The following ALAS2 variants were observed in gnomAD, a reference collection of about 807,000 sequenced individuals.
ALAS2 encodes 5'-aminolevulinate synthase 2.
A neutral mutation model predicts 33.7 loss-of-function variants in ALAS2; 3 were observed. The ratio of observed to expected loss-of-function variants is 0.09; its 90% CI spans 0.04 to 0.23. The LOEUF is 0.23. ALAS2 is among the 10% of genes least tolerant of loss of function. The pLI, the probability that ALAS2 is intolerant of heterozygous loss-of-function variation, is 1.00. For missense variants in ALAS2, 304 were observed against 475.1 expected, an observed-to-expected ratio of 0.64 and a Z score of 3.35; for synonymous variants, 191 against 177.3, an observed-to-expected ratio of 1.08 and a Z score of -0.61.
At chrX:55,012,331 C>G (rs1277539009) in intron 10 of ALAS2, among the ~76,000 whole-genome samples, 1 of 112,142 alleles carries the variant, frequency 8.9e-6, no homozygotes, top group Non-Finnish European at 1.9e-5. Context: ...CCCACCCTCT[C>G]TCTCCATAAT....
At chrX:55,026,216 T>C (rs1308282183) in intron 1 of ALAS2, among the ~76,000 whole-genome samples, 1 of 111,366 alleles carries the variant, frequency 9.0e-6, no homozygotes, top group East Asian at 2.8e-4. Flanking sequence ...AACTGACTAC[T>C]GGGCAAAGGG....
At chrX:55,014,671 G>A in intron 9 of ALAS2, 76 bp downstream of exon 9, 2 of 1,040,781 alleles carry the variant, frequency 1.9e-6, no homozygotes, top group South Asian at 5.7e-5. Flanking sequence ...GACAGCAACA[G>A]ATGTAGGTTT....
intron 10 of ALAS2, among the ~76,000 whole-genome samples, chrX:55,010,627 C>T (rs1273867173): frequency 1.8e-5 from 2 of 111,194 alleles, no homozygotes; most frequent in Non-Finnish European, 3.8e-5. Context: ...CTAACTTCAC[C>T]TCCTTCAAAT....
chrX:55,018,706 A>C (rs1248591763), intron 6 of ALAS2, among the ~76,000 whole-genome samples: 2 of 111,391 alleles, frequency 1.8e-5, no homozygotes, highest in African/African-American at 6.5e-5. Context: ...AGAACTTTAG[A>C]AGCTGTGATA....
intron 6 of ALAS2, among the ~76,000 whole-genome samples, chrX:55,020,023 A>G (rs1935773328): frequency 8.9e-6 from 1 of 111,751 alleles, no homozygotes; most frequent in African/African-American, 3.3e-5. Context: ...CTGTGGAGAC[A>G]TAAAATAACT....
chrX:55,009,443 C>T, intron 10 of ALAS2, 100 bp from the exon 11 acceptor site: 1 of 879,743 alleles, frequency 1.1e-6, no homozygotes, highest in Non-Finnish European at 1.6e-6. Context: ...CCCCTCAACC[C>T]TTCAAGATAC....
At chrX:55,020,996 T>G in intron 5 of ALAS2, 56 bp downstream of exon 5, 1 of 1,067,496 alleles carries the variant, frequency 9.4e-7, no homozygotes, top group Non-Finnish European at 1.3e-6. Context: ...TTTTTTTCCA[T>G]GTGTGGTTTT....
chrX:55,015,033 T>C lies in ALAS2; in HGVS notation c.1169-18A>G. On this transcript the variant is annotated intron_variant, in intron 8 of 10. Coordinates refer to ENST00000650242, the MANE Select transcript of ALAS2 (RefSeq NM_000032.5). ...GGCCTTGCCTGGAGACAGAAAGGAA[T>C]AAGATATACACAGATCCCATAATCA... 1 of 1,206,159 alleles carries C rather than the reference T, an allele frequency of 8.3e-7. No homozygotes were observed. Among genetic ancestry groups the C allele is most frequent in the Non-Finnish European group, 1.1e-6 (1 of 892,618 alleles).
chrX:55,009,084 C>T lies in ALAS2; in HGVS notation c.*96G>A, dbSNP rs1935549149. 25 of 1,069,135 alleles carry T rather than the reference C, an allele frequency of 2.3e-5. No individual in the cohort carries two copies. In the South Asian group the frequency reaches 4.3e-4, roughly 18 times the overall value. The allele number at this position is 1,069,135 out of a possible 1,213,427, so 88.1% of individuals were successfully genotyped here. ...GTGGTTTGTGCTTTATTTTTAGGCT[C>T]AATTCAGCTAGAGGCACACAACAAA... On this transcript the variant is annotated 3_prime_UTR_variant, in exon 11 of 11. Transcript: ENST00000650242.
intron 6 of ALAS2, among the ~76,000 whole-genome samples, chrX:55,019,001 A>T (rs971110237): frequency 9.0e-6 from 1 of 111,207 alleles, no homozygotes; most frequent in Non-Finnish European, 1.9e-5. Context: ...ACTCAAAAAA[A>T]GTTTCTGAGA....
intron 10 of ALAS2, among the ~76,000 whole-genome samples, chrX:55,010,671 C>T (rs1935587704): frequency 9.0e-6 from 1 of 111,707 alleles, no homozygotes; most frequent in Non-Finnish European, 1.9e-5. Flanking sequence ...GTCTTCTACC[C>T]TTGCCACTCT....
intron 4 of ALAS2, among the ~76,000 whole-genome samples, chrX:55,023,417 A>G (rs1432585081): frequency 9.0e-6 from 1 of 111,170 alleles, no homozygotes; most frequent in Non-Finnish European, 1.9e-5. Flanking sequence ...AAGAATGGGG[A>G]AAAGGTGCTG....
At position 55,009,088 on chromosome X, in the gene ALAS2, T is replaced by G; in HGVS notation, c.*92A>C. 9.3e-7 allele frequency: 1 copy of G among 1,078,217 alleles called. No homozygotes were observed. The highest frequency in any genetic ancestry group is 1.3e-6 in the Non-Finnish European group (1 of 794,284). The allele number at this position is 1,078,217 out of a possible 1,213,427, so 88.9% of individuals were successfully genotyped here. On this transcript the variant is annotated 3_prime_UTR_variant, in exon 11 of 11. Transcript: ENST00000650242. ...TTTGTGCTTTATTTTTAGGCTCAATTCAGCTAGAGGCACACAACAAAGCAG... is the reference window on the plus strand; with the variant it reads ...TTTGTGCTTTATTTTTAGGCTCAATGCAGCTAGAGGCACACAACAAAGCAG...
At chrX:55,021,008 C>T (rs755691518) in intron 5 of ALAS2, 44 bp downstream of exon 5, 1 of 1,128,541 alleles carries the variant, frequency 8.9e-7, no homozygotes. Context: ...TGTGGTTTTT[C>T]ATCTCCTCTG....
chrX:55,015,891 C>G (rs1307843201), intron 7 of ALAS2, 149 bp from the exon 8 acceptor site: 1 of 621,931 alleles, frequency 1.6e-6, no homozygotes, highest in East Asian at 3.6e-5. Flanking sequence ...AGAACTATTA[C>G]AAACCTCTGT....
chrX:55,015,805 T>C (rs1935688951), intron 7 of ALAS2, 63 bp from the exon 8 acceptor site: 5 of 1,162,318 alleles, frequency 4.3e-6, no homozygotes, highest in Non-Finnish European at 3.5e-6. Flanking sequence ...ATCTCCAATG[T>C]GGAATTTCCC....
chrX:55,014,509 C>T (rs1322526156), intron 9 of ALAS2, among the ~76,000 whole-genome samples: 1 of 111,870 alleles, frequency 8.9e-6, no homozygotes, highest in Non-Finnish European at 1.9e-5. Flanking sequence ...TGTGAGCACT[C>T]GCTATTGTTA....
rs777048418 is a variant in ALAS2 at position 55,021,144 on chromosome X, A to G, written c.546T>C (p.Ser182=). 1 of 1,212,063 alleles carries G rather than the reference A, an allele frequency of 8.3e-7. No individual in the cohort carries two copies. Among genetic ancestry groups the G allele is most frequent in the East Asian group, 3.0e-5 (1 of 33,836 alleles). The change falls in exon 5 of 11, where the codon TCT becomes TCC. Residue 182 remains serine (S), a synonymous_variant. Coordinates refer to ENST00000650242, the MANE Select transcript of ALAS2 (RefSeq NM_000032.5). Reference sequence around the variant, plus strand: ...CATCCTTTGAGGCCACAGATGCCTCAGAGAAATGTTGGGCAAAGGGATATG... The same window carrying G: ...CATCCTTTGAGGCCACAGATGCCTCGGAGAAATGTTGGGCAAAGGGATATG... ...ADAYPFAQHF[S]EASVASKDVS... is the part of the protein sequence containing the mutation.
chrX:55,021,323 C>T (rs1935802268), intron 4 of ALAS2, 49 bp from the exon 5 acceptor site: 2 of 1,018,998 alleles, frequency 2.0e-6, no homozygotes, highest in South Asian at 3.8e-5. Context: ...AAGTCTCTCC[C>T]TGGCTAGTCT....
Sources: allele counts gnomAD v4.1 joint callset (sites outside exome capture counted in the v4.1 genomes callset), GRCh38; gene constraint gnomAD v4.1.1; transcripts MANE v1.5; gene names NCBI Gene and HGNC (gene_info 2026-07-23, HGNC 2026-07-21).